CSGALNACT1: variants seen among roughly 807,000 people sequenced by gnomAD.
CSGALNACT1 encodes chondroitin sulfate N-acetylgalactosaminyltransferase 1, also known as beta4GalNAcT-1.
Under a neutral mutation model 51.0 loss-of-function variants are expected in CSGALNACT1, and 52 were observed. The ratio of observed to expected loss-of-function variants is 1.02; its 90% confidence interval spans 0.82 to 1.29. The LOEUF is 1.29. Ranked by LOEUF, CSGALNACT1 falls within the 50% of genes most tolerant of loss-of-function variation. The pLI is 0.00. For missense variants in CSGALNACT1, 935 were observed against 679.2 expected (o/e 1.38, Z -4.19); for synonymous variants, 341 against 254.4 (o/e 1.34, Z -3.24).
At chr8:19,549,500 T>A (rs1028274295) in intron 3 of CSGALNACT1, among the ~76,000 whole-genome samples, 7 of 152,050 alleles carry the variant, frequency 4.6e-5, no homozygotes, top group African/African-American at 1.7e-4. Context: ...TTTCTTTTGT[T>A]TTTTTCCTCA....
At chr8:19,500,157 G>C (rs968499602) in intron 4 of CSGALNACT1, among the ~76,000 whole-genome samples, 2 of 152,136 alleles carry the variant, frequency 1.3e-5, no homozygotes, top group Non-Finnish European at 2.9e-5. Flanking sequence ...CCACACTGAA[G>C]AATAAACCAC....
intron 4 of CSGALNACT1, among the ~76,000 whole-genome samples, chr8:19,496,212 A>G (rs887551249): frequency 1.3e-5 from 2 of 152,250 alleles, no homozygotes; most frequent in Admixed American, 6.5e-5. Flanking sequence ...AAGAATATGT[A>G]TCTGGTAAAA....
At chr8:19,596,360 C>G (rs1187970204) in intron 2 of CSGALNACT1, among the ~76,000 whole-genome samples, 1 of 152,036 alleles carries the variant, frequency 6.6e-6, no homozygotes, top group African/African-American at 2.4e-5. Flanking sequence ...AATGAAAAAG[C>G]CTAAAGCAGT....
At chr8:19,558,893 T>C (rs576664304) in intron 3 of CSGALNACT1, among the ~76,000 whole-genome samples, 4 of 152,188 alleles carry the variant, frequency 2.6e-5, no homozygotes, top group Admixed American at 6.5e-5. Context: ...TGAAACAATT[T>C]ATATAAAGGA....
At chr8:19,404,607 A>AACAT in exon 10 of CSGALNACT1, 1 of 182,136 alleles carries the variant, frequency 5.5e-6, no homozygotes, top group South Asian at 3.0e-5. Context: ...GATCTTTCAC[A>AACAT]ATATATATAT....
intron 5 of CSGALNACT1, chr8:19,457,568 G>T: frequency 1.3e-6 from 1 of 764,596 alleles, no homozygotes; most frequent in Non-Finnish European, 2.0e-6. Flanking sequence ...AGCAGAGTTC[G>T]TGCCACTGCA....
chr8:19,517,442 A>G (rs1014619909), intron 3 of CSGALNACT1, among the ~76,000 whole-genome samples: 14 of 152,134 alleles, frequency 9.2e-5, no homozygotes, highest in African/African-American at 2.9e-4. Context: ...CTCCATCTCA[A>G]AAAAAAGAAA....
chr8:19,497,816 G>C (rs1288473607), intron 4 of CSGALNACT1, among the ~76,000 whole-genome samples: 1 of 152,134 alleles, frequency 6.6e-6, no homozygotes, highest in East Asian at 1.9e-4. Context: ...TGCTCCCTGA[G>C]ATAAATGCAT....
chr8:19,561,936 A>T (rs2040831876), intron 3 of CSGALNACT1, among the ~76,000 whole-genome samples: 1 of 152,166 alleles, frequency 6.6e-6, no homozygotes, highest in Non-Finnish European at 1.5e-5. Flanking sequence ...CGGCCTGATC[A>T]TGCCTGCATT....
At chr8:19,619,251 G>A (rs188419280) in intron 1 of CSGALNACT1, among the ~76,000 whole-genome samples, 12 of 148,906 alleles carry the variant, frequency 8.1e-5, no homozygotes, top group East Asian at 2.0e-4. Flanking sequence ...ACAGGGTCGG[G>A]GGGGGGTGGG....
In CSGALNACT1 at chr8:19,439,916, C is replaced by G. The variant is rs373838591; in HGVS notation, c.867G>C (p.Glu289Asp). The change falls in exon 6 of 10, where the codon GAG becomes GAC. Residue 289 changes from glutamate to aspartate, a missense_variant. By Grantham distance (45) the Glu-to-Asp change is conservative (BLOSUM62 2). Transcript: ENST00000454498. ...CAGTGAGATGGACTCTCCCATCCTGCTCAATGCACATCTCCCTGGAAAACA... is the reference window on the plus strand; with the variant it reads ...CAGTGAGATGGACTCTCCCATCCTGGTCAATGCACATCTCCCTGGAAAACA... The G allele has an allele frequency of 1.9e-5, 30 of 1,613,896 alleles. 1 individual carries two copies. Among genetic ancestry groups the G allele is most frequent in the South Asian group, 5.5e-5 (5 of 91,086 alleles).
chr8:19,558,834 C>G (rs747696049), intron 3 of CSGALNACT1, among the ~76,000 whole-genome samples: 1 of 152,088 alleles, frequency 6.6e-6, no homozygotes, highest in African/African-American at 2.4e-5. Flanking sequence ...ATTACCTACA[C>G]GTCATCAACA....
At chr8:19,454,074 T>A (rs1265544188) in intron 5 of CSGALNACT1, among the ~76,000 whole-genome samples, 1 of 152,230 alleles carries the variant, frequency 6.6e-6, no homozygotes, top group Non-Finnish European at 1.5e-5. Context: ...GTCTTACACT[T>A]CACCAGATCA....
chr8:19,657,556 A>T (rs2058391749), intron 1 of CSGALNACT1, among the ~76,000 whole-genome samples: 1 of 152,230 alleles, frequency 6.6e-6, no homozygotes, highest in Admixed American at 6.5e-5. Context: ...CTTTAAAGGA[A>T]CAACAGCCCC....
chr8:19,449,082 T>G (rs2062631098), intron 5 of CSGALNACT1, among the ~76,000 whole-genome samples: 1 of 152,136 alleles, frequency 6.6e-6, no homozygotes, highest in African/African-American at 2.4e-5. Context: ...AAGAAATGAG[T>G]GAATTTTGAC....
rs116182931 is a variant in CSGALNACT1 at position 19,583,137 on chromosome 8, G to A, written c.-297+8023C>T. On this transcript the variant is annotated intron_variant, in intron 3 of 9. Transcript: ENST00000454498. Reference sequence around the variant, plus strand: ...AGCTAAGGAGAAATATTATATCCTCGTATATTATGTATCCAAAAACATAAA... The same window carrying A: ...AGCTAAGGAGAAATATTATATCCTCATATATTATGTATCCAAAAACATAAA... Among the ~76,000 whole-genome samples the A allele has an allele frequency of 6.4e-3, 967 of 151,794 alleles. 8 individuals carry two copies. Among genetic ancestry groups the A allele is most frequent in the African/African-American group, 0.023 (932 of 41,360 alleles).
intron 9 of CSGALNACT1, among the ~76,000 whole-genome samples, chr8:19,407,004 C>T (rs958383604): frequency 2.0e-5 from 3 of 152,146 alleles, no homozygotes; most frequent in East Asian, 1.9e-4. Flanking sequence ...CCACCACGCT[C>T]GGCCTAGAAA....
chr8:19,599,473 A>AAAGAAAG (rs2049824233), intron 2 of CSGALNACT1, among the ~76,000 whole-genome samples: 1 of 8,170 alleles, frequency 1.2e-4, no homozygotes, highest in African/African-American at 2.7e-4. Context: ...AAAGAAAGAA[A>AAAGAAAG]AAGAAAGAAA....
chr8:19,696,888 G>A (rs938759757), intron 1 of CSGALNACT1, among the ~76,000 whole-genome samples: 3 of 152,138 alleles, frequency 2.0e-5, no homozygotes, highest in African/African-American at 7.2e-5. Flanking sequence ...ACAAGTATAG[G>A]CAGAGCCTCC....
Sources: allele counts gnomAD v4.1 joint callset (sites outside exome capture counted in the v4.1 genomes callset), GRCh38; gene constraint gnomAD v4.1.1; transcripts MANE v1.5; gene names NCBI Gene and HGNC (gene_info 2026-07-23, HGNC 2026-07-21).